Variants in PPM1E observed in about 807,000 individuals in gnomAD.
PPM1E encodes protein phosphatase 1E.
In PPM1E, 20 loss-of-function variants were observed where a neutral mutation model predicts 65.9. That is an observed-to-expected ratio of 0.30 (90% CI 0.21 to 0.44). The LOEUF (loss-of-function observed/expected upper bound fraction) is 0.44, where lower values mean the gene tolerates loss of function less well. PPM1E is among the 20% of genes least tolerant of loss of function. The pLI, the probability that PPM1E is intolerant of heterozygous loss-of-function variation, is 1.00. For missense variants in PPM1E, 713 were observed against 953.1 expected (o/e 0.75, Z 3.32); for synonymous variants, 352 against 374.9 (o/e 0.94, Z 0.70).
chr17:58,920,404 T>C (rs1840234849), intron 1 of PPM1E, among the ~76,000 whole-genome samples: 1 of 152,174 alleles, frequency 6.6e-6, no homozygotes. Context: ...TCGTTACTAA[T>C]AACTAAACCT....
At chr17:58,947,233 CTTTTTTTTT>C (rs71145507) in intron 1 of PPM1E, among the ~76,000 whole-genome samples, 1 of 45,066 alleles carries the variant, frequency 2.2e-5, no homozygotes, top group Non-Finnish European at 4.0e-5. Flanking sequence ...CACTCCTGGC[CTTTTTTTTT>C]TTTTTTTTTT....
chr17:58,789,740 TTATATATA>T (rs3034940), intron 1 of PPM1E, among the ~76,000 whole-genome samples: 3 of 145,814 alleles, frequency 2.1e-5, no homozygotes, highest in East Asian at 2.0e-4. Context: ...TGAGAGTCAT[TTATATATA>T]TATATATATA....
chr17:58,781,529 A>T (rs1026400919), intron 1 of PPM1E, among the ~76,000 whole-genome samples: 26 of 152,142 alleles, frequency 1.7e-4, no homozygotes, highest in Non-Finnish European at 3.1e-4. Flanking sequence ...TGCCTTGCTG[A>T]CATTTTCGTC....
intron 1 of PPM1E, among the ~76,000 whole-genome samples, chr17:58,895,044 T>G (rs1767872420): frequency 6.6e-6 from 1 of 152,332 alleles, no homozygotes; most frequent in South Asian, 2.1e-4. Context: ...CTGTCACATT[T>G]TGGTAATTCT....
chr17:58,949,899 G>GT (rs890003041), intron 1 of PPM1E, among the ~76,000 whole-genome samples: 5 of 151,942 alleles, frequency 3.3e-5, no homozygotes, highest in Admixed American at 1.3e-4. Flanking sequence ...GGCTAGCTGA[G>GT]TTTTTTTTCT....
intron 1 of PPM1E, among the ~76,000 whole-genome samples, chr17:58,876,639 A>G (rs2051129429): frequency 6.6e-6 from 1 of 152,226 alleles, no homozygotes; most frequent in South Asian, 2.1e-4. Flanking sequence ...GGTAAATTAG[A>G]AACTGATAGT....
chr17:58,814,329 A>G (rs2050395996), intron 1 of PPM1E, among the ~76,000 whole-genome samples: 1 of 152,212 alleles, frequency 6.6e-6, no homozygotes, highest in Non-Finnish European at 1.5e-5. Flanking sequence ...ATAAGGTCAA[A>G]CTATCAGTGT....
rs1320224843 is a variant in PPM1E, at chr17:58,984,841, C to G, written c.*3810C>G. On this transcript the variant is annotated 3_prime_UTR_variant, in exon 7 of 7. Coordinates refer to ENST00000308249, the MANE Select transcript of PPM1E (RefSeq NM_014906.5). The stretch of plus-strand genomic sequence containing the variant: ...TGAAATAGGGAACTCCAGACTGACA[C>G]AGCAGTTGTTTTTGAAAAGGAAATA... 1 of 152,396 alleles carries G rather than the reference C, an allele frequency of 6.6e-6. No homozygotes were observed. The highest frequency in any genetic ancestry group is 1.5e-5 in the Non-Finnish European group (1 of 68,024). The allele number at this position is 152,396 out of a possible 1,614,324, so 9.4% of individuals were successfully genotyped here. A position where few individuals can be genotyped will look rare whatever the true frequency, so the allele number is the denominator to read the frequency against.
chr17:58,895,665 G>A (rs1282162188), intron 1 of PPM1E, among the ~76,000 whole-genome samples: 1 of 152,006 alleles, frequency 6.6e-6, no homozygotes, highest in Non-Finnish European at 1.5e-5. Context: ...TAAAAAAATA[G>A]ATGAGCATGG....
chr17:58,832,631 A>G (rs2050616587), intron 1 of PPM1E, among the ~76,000 whole-genome samples: 1 of 152,180 alleles, frequency 6.6e-6, no homozygotes, highest in Non-Finnish European at 1.5e-5. Flanking sequence ...TAATTTTGAA[A>G]TATTTTTAGA....
chr17:58,944,894 A>G (rs1288225955), intron 1 of PPM1E, among the ~76,000 whole-genome samples: 1 of 152,160 alleles, frequency 6.6e-6, no homozygotes, highest in African/African-American at 2.4e-5. Flanking sequence ...TTTATGTTTA[A>G]AATGTTAAGG....
In PPM1E at chr17:58,769,791, C is replaced by T. The variant is rs181868198; in HGVS notation, c.464+13330C>T. 8.0e-4 allele frequency among the ~76,000 whole-genome samples: 122 copies of T among 152,164 alleles called. 1 individual carries two copies. The highest frequency in any genetic ancestry group is 2.9e-3 in the African/African-American group (119 of 41,534). ...CCTGTAATCCCAGCACTTCGGGAGG[C>T]TGAGGCAGGCAGATCACTTGAGGTC... On this transcript the variant is annotated intron_variant, in intron 1 of 6. Coordinates refer to ENST00000308249, the MANE Select transcript of PPM1E (RefSeq NM_014906.5).
intron 1 of PPM1E, among the ~76,000 whole-genome samples, chr17:58,846,139 A>G (rs980575251): frequency 1.3e-5 from 2 of 152,188 alleles, no homozygotes; most frequent in African/African-American, 2.4e-5. Flanking sequence ...TTATAAATGT[A>G]TAAGTATCTC....
chr17:58,939,082 C>T (rs894698931), intron 1 of PPM1E, among the ~76,000 whole-genome samples: 4 of 152,188 alleles, frequency 2.6e-5, no homozygotes, highest in African/African-American at 9.7e-5. Flanking sequence ...ACCACCACGC[C>T]TGGCCCACTA....
At chr17:58,844,749 A>G (rs2050754905) in intron 1 of PPM1E, among the ~76,000 whole-genome samples, 1 of 152,196 alleles carries the variant, frequency 6.6e-6, no homozygotes, top group African/African-American at 2.4e-5. Context: ...ATGGAAAAAG[A>G]TATCAGCAAT....
At chr17:58,839,252 T>A (rs1420296686) in intron 1 of PPM1E, among the ~76,000 whole-genome samples, 4 of 152,062 alleles carry the variant, frequency 2.6e-5, no homozygotes. Flanking sequence ...AGAAGATCAC[T>A]GGAGGCCAAG....
chr17:58,850,628 GT>G (rs2050817422), intron 1 of PPM1E, among the ~76,000 whole-genome samples: 1 of 152,184 alleles, frequency 6.6e-6, no homozygotes, highest in Non-Finnish European at 1.5e-5. Context: ...GGCTTGTAGA[GT>G]TTCTGCCAAG....
intron 1 of PPM1E, among the ~76,000 whole-genome samples, chr17:58,809,001 CTATAAG>C (rs1023193238): frequency 4.4e-4 from 67 of 152,260 alleles, no homozygotes; most frequent in African/African-American, 1.5e-3. Context: ...CTCATTTCTT[CTATAAG>C]TATGTCAGTA....
chr17:58,874,836 G>A (rs191018976), intron 1 of PPM1E, among the ~76,000 whole-genome samples: 55 of 152,186 alleles, frequency 3.6e-4, no homozygotes, highest in South Asian at 6.2e-4. Flanking sequence ...TTATATTTAA[G>A]TTTCTACAGT....
Sources: gnomAD v4.1 joint callset for allele counts (sites outside exome capture counted in the v4.1 genomes callset) on GRCh38, gnomAD v4.1.1 for gene constraint, MANE v1.5 for transcripts, NCBI Gene and HGNC (gene_info 2026-07-23, HGNC 2026-07-21) for gene names.